Variants in IKZF3 observed in about 807,000 individuals in gnomAD.
IKZF3 encodes zinc finger protein Aiolos.
Under a neutral mutation model 49.0 loss-of-function variants are expected in IKZF3, and 10 were observed. The ratio of observed to expected loss-of-function variants is 0.20; its 90% confidence interval spans 0.13 to 0.35. IKZF3 has a LOEUF of 0.35. IKZF3 is among the 10% of genes least tolerant of loss of function. The pLI, the probability that IKZF3 is intolerant of heterozygous loss-of-function variation, is 1.00. For missense variants in IKZF3, 498 were observed against 664.8 expected, an observed-to-expected ratio of 0.75 and a Z score of 2.76; for synonymous variants, 209 against 228.2, an observed-to-expected ratio of 0.92 and a Z score of 0.76.
chr17:39,860,583 A>G (rs1471457359), intron 1 of IKZF3, among the ~76,000 whole-genome samples: 1 of 152,246 alleles, frequency 6.6e-6, no homozygotes, highest in African/African-American at 2.4e-5. Context: ...GCTGGAGGCC[A>G]TTATTCTTAG....
intron 2 of IKZF3, among the ~76,000 whole-genome samples, chr17:39,831,500 G>A (rs1238305697): frequency 3.9e-5 from 6 of 152,196 alleles, no homozygotes; most frequent in African/African-American, 1.4e-4. Flanking sequence ...AATCAATGGA[G>A]GACACAGAAG....
chr17:39,860,833 C>T (rs2063195703), intron 1 of IKZF3, among the ~76,000 whole-genome samples: 1 of 152,148 alleles, frequency 6.6e-6, no homozygotes, highest in African/African-American at 2.4e-5. Context: ...ACATAATATA[C>T]TTATGTAAGA....
At chr17:39,807,533 G>A (rs1215767208) in intron 3 of IKZF3, among the ~76,000 whole-genome samples, 1 of 145,218 alleles carries the variant, frequency 6.9e-6, no homozygotes, top group African/African-American at 2.5e-5. Flanking sequence ...TGAGTAGCTG[G>A]GACTATTTAA....
chr17:39,845,422 G>C (rs760927970), intron 1 of IKZF3, among the ~76,000 whole-genome samples: 16 of 151,972 alleles, frequency 1.1e-4, no homozygotes, highest in Admixed American at 2.6e-4. Flanking sequence ...TACTCAGGAG[G>C]GGGAGGCAGG....
intron 7 of IKZF3, among the ~76,000 whole-genome samples, chr17:39,777,181 G>T (rs1429613366): frequency 6.6e-6 from 1 of 152,164 alleles, no homozygotes; most frequent in Non-Finnish European, 1.5e-5. Flanking sequence ...ATCTATGTTT[G>T]CCCAACCACT....
chr17:39,789,518 GCAC>G (rs1333607257), intron 5 of IKZF3, among the ~76,000 whole-genome samples: 1 of 150,272 alleles, frequency 6.7e-6, no homozygotes, highest in Non-Finnish European at 1.5e-5. Flanking sequence ...GGCTGAGATT[GCAC>G]CACTGCATCC....
intron 3 of IKZF3, among the ~76,000 whole-genome samples, chr17:39,816,328 T>C (rs1262873367): frequency 6.6e-6 from 1 of 152,224 alleles, no homozygotes; most frequent in Non-Finnish European, 1.5e-5. Flanking sequence ...TTTGAAATGG[T>C]TACACAAACA....
chr17:39,812,825 G>A (rs994852118), intron 3 of IKZF3, among the ~76,000 whole-genome samples: 1 of 152,224 alleles, frequency 6.6e-6, no homozygotes, highest in Non-Finnish European at 1.5e-5. Context: ...GAGGCAGGGC[G>A]AAGTGGCTCA....
chr17:39,766,762 G>C (rs1043120395), intron 7 of IKZF3, among the ~76,000 whole-genome samples: 1 of 152,154 alleles, frequency 6.6e-6, no homozygotes, highest in Admixed American at 6.5e-5. Context: ...TGCCCACTGT[G>C]CATGTTAGAG....
At chr17:39,786,021 G>C (rs2060865835) in intron 6 of IKZF3, among the ~76,000 whole-genome samples, 1 of 152,216 alleles carries the variant, frequency 6.6e-6, no homozygotes, top group Non-Finnish European at 1.5e-5. Flanking sequence ...CATAGAGACA[G>C]AAAGTAGATT....
chr17:39,797,294 A>G (rs2061192333), intron 3 of IKZF3, among the ~76,000 whole-genome samples: 1 of 151,970 alleles, frequency 6.6e-6, no homozygotes, highest in East Asian at 1.9e-4. Context: ...AATATCACCA[A>G]CCATAATCTC....
chr17:39,834,650 T>A (rs1257974352), intron 1 of IKZF3, among the ~76,000 whole-genome samples: 6 of 152,238 alleles, frequency 3.9e-5, no homozygotes. Context: ...GTGTTCTTGG[T>A]GAATGTGCCA....
intron 3 of IKZF3, among the ~76,000 whole-genome samples, chr17:39,815,760 A>G (rs944402838): frequency 1.3e-5 from 2 of 152,214 alleles, no homozygotes; most frequent in Non-Finnish European, 2.9e-5. Context: ...TAAGAGGAAG[A>G]GAAATAATAA....
chr17:39,835,633 C>A lies in IKZF3; in HGVS notation c.8-3482G>T, dbSNP rs141923333. The A allele has an allele frequency of 1.4e-3, 603 of 434,358 alleles. 4 individuals carry two copies. Among genetic ancestry groups the A allele is most frequent in the African/African-American group, 0.012 (568 of 48,936 alleles). 26.9% of individuals were successfully genotyped at this position (434,358 alleles called of 1,614,324 possible). A position where few individuals can be genotyped will look rare whatever the true frequency, so the allele number is the denominator to read the frequency against. ...TGGGCCTCGACCTCAGCAATGATGC[C>A]GTCCGTGTCCAGGGAGCAGCTGTTA... On this transcript the variant is annotated intron_variant, in intron 1 of 7. Coordinates refer to ENST00000346872, the MANE Select transcript of IKZF3 (RefSeq NM_012481.5).
At chr17:39,855,519 T>C (rs760259891) in intron 1 of IKZF3, among the ~76,000 whole-genome samples, 9 of 152,316 alleles carry the variant, frequency 5.9e-5, no homozygotes, top group East Asian at 1.9e-4. Context: ...TACTAGGTCA[T>C]TGATGTTTGC....
At chr17:39,769,789 C>A (rs1257940773) in intron 7 of IKZF3, among the ~76,000 whole-genome samples, 1 of 152,214 alleles carries the variant, frequency 6.6e-6, no homozygotes, top group Non-Finnish European at 1.5e-5. Context: ...AGGCACATCA[C>A]AAACTCTGAT....
intron 5 of IKZF3, among the ~76,000 whole-genome samples, chr17:39,788,762 T>C (rs1407514585): frequency 6.6e-6 from 1 of 152,198 alleles, no homozygotes; most frequent in East Asian, 1.9e-4. Flanking sequence ...ATTTTGGACA[T>C]CCATCTGGCT....
At chr17:39,817,168 A>G (rs1194776523) in intron 3 of IKZF3, among the ~76,000 whole-genome samples, 1 of 152,222 alleles carries the variant, frequency 6.6e-6, no homozygotes, top group Non-Finnish European at 1.5e-5. Context: ...GAAATTTTCT[A>G]CAAAACAATT....
intron 3 of IKZF3, among the ~76,000 whole-genome samples, chr17:39,807,543 A>G (rs1206222397): frequency 2.0e-5 from 2 of 99,092 alleles, no homozygotes; most frequent in Admixed American, 1.2e-4. Context: ...GGACTATTTA[A>G]ATTTTTTTTT....
Sources: allele counts gnomAD v4.1 joint callset (sites outside exome capture counted in the v4.1 genomes callset), GRCh38; gene constraint gnomAD v4.1.1; transcripts MANE v1.5; gene names NCBI Gene and HGNC (gene_info 2026-07-23, HGNC 2026-07-21).